Variants in ATP8B1 observed in about 807,000 individuals in gnomAD.
ATP8B1 encodes phospholipid-transporting ATPase IC.
A neutral mutation model predicts 149.9 loss-of-function variants in ATP8B1; 80 were observed. That is an observed-to-expected ratio of 0.53 (90% CI 0.45 to 0.64). The LOEUF is 0.64. ATP8B1 is among the 30% of genes least tolerant of loss of function. The pLI, the probability that ATP8B1 is intolerant of heterozygous loss-of-function variation, is 0.00. For synonymous variants in ATP8B1, 536 were observed against 562.8 expected, an observed-to-expected ratio of 0.95 and a Z score of 0.67; for missense variants, 1,247 against 1,552.6, an observed-to-expected ratio of 0.80 and a Z score of 3.31.
In ATP8B1 at chr18:57,655,304, G is replaced by A. The variant is rs374340059; in HGVS notation, c.2821C>T (p.Arg941Ter). 3.3e-5 allele frequency: 53 copies of A among 1,613,966 alleles called. No individual in the cohort carries two copies. The highest frequency in any genetic ancestry group is 4.4e-5 in the Non-Finnish European group (52 of 1,179,970). ...YLQRLLLVHG[R>*]WSYIRMCKFL... ...TTGCACATCCTTATGTAAGACCATC[G>A]GCCATGCACCAGCAGTAGCCTCTGC... The change falls in exon 23 of 28, where the codon CGA (arginine) becomes TGA (stop). Residue 941 changes from arginine (R) to a stop codon, truncating the protein, a stop_gained. Coordinates refer to ENST00000648908, the MANE Select transcript of ATP8B1 (RefSeq NM_001374385.1). LOFTEE classifies it high-confidence loss of function.
intron 19 of ATP8B1, chr18:57,667,972 T>C: frequency 1.0e-6 from 1 of 965,254 alleles, no homozygotes; most frequent in Non-Finnish European, 1.4e-6. Context: ...TGTTGAGTTC[T>C]AAAGTTAAAA....
rs775129730 is a variant in ATP8B1, at chr18:57,695,167, G to A, written c.940+4C>T. 6.8e-6 allele frequency: 11 copies of A among 1,611,038 alleles called. No individual in the cohort carries two copies. The highest frequency in any genetic ancestry group is 4.0e-5 in the African/African-American group (3 of 74,532). ...ATTAATTTCCCAAGAAACTCTGAAC[G>A]TACCTGCAAAAATGACTAAGCCGTG... On this transcript the variant is annotated splice_donor_region_variant and intron_variant, in intron 10 of 27. Transcript: ENST00000648908.
chr18:57,784,662 G>A lies in ATP8B1; in HGVS notation c.-26+18336C>T, dbSNP rs1225106784. ...GTGCTGTGTTTAGGGGCATGCAGGA[G>A]AGTATTATGAAACGTGCAGGAGAGT... On this transcript the variant is annotated intron_variant, in intron 1 of 27. Transcript: ENST00000648908. This position sits in a 1 kb window ranked among gnomAD's most constrained non-coding sequence, Gnocchi z 4.4. Among the ~76,000 whole-genome samples the A allele has an allele frequency of 1.4e-5, 2 of 146,846 alleles. No homozygotes were observed. Among genetic ancestry groups the A allele is most frequent in the African/African-American group, 5.5e-5 (2 of 36,364 alleles).
At chr18:57,649,130 T>A (rs1322628881) in intron 27 of ATP8B1, among the ~76,000 whole-genome samples, 8 of 152,052 alleles carry the variant, frequency 5.3e-5, no homozygotes, top group Admixed American at 1.3e-4. Context: ...CCTCAAGTGA[T>A]CTGCCTGCCT....
intron 1 of ATP8B1, among the ~76,000 whole-genome samples, chr18:57,745,909 C>T (rs1221785590): frequency 6.6e-6 from 1 of 152,182 alleles, no homozygotes; most frequent in Non-Finnish European, 1.5e-5. Flanking sequence ...AATCCTCCCA[C>T]CTCAACCTCC....
At chr18:57,679,178 C>T (rs1407008744) in intron 15 of ATP8B1, among the ~76,000 whole-genome samples, 2 of 151,354 alleles carry the variant, frequency 1.3e-5, no homozygotes, top group African/African-American at 2.4e-5. Flanking sequence ...TGCAGTGAGC[C>T]GAGATCGCGC....
Position 57,648,471 on chromosome 18 carries a change from A to T in ATP8B1, c.*17T>A. 1 of 1,610,816 alleles carries T rather than the reference A, an allele frequency of 6.2e-7. No homozygotes were observed. Among genetic ancestry groups the T allele is most frequent in the Non-Finnish European group, 8.5e-7 (1 of 1,179,768 alleles). On this transcript the variant is annotated 3_prime_UTR_variant, in exon 28 of 28. Coordinates refer to ENST00000648908, the MANE Select transcript of ATP8B1 (RefSeq NM_001374385.1). ...TAGACGTGCTTTGTGGCCGCATCCC[A>T]GCCTGGGGGTAAGGGATCAGCTGTC...
At position 57,695,244 on chromosome 18, in the gene ATP8B1, A is replaced by G. The variant is rs1222962689; in HGVS notation, c.867T>C (p.Asp289=). Residue 289 remains aspartate (D), a synonymous_variant, in exon 10 of 28, where the codon GAT becomes GAC. Transcript: ENST00000648908. ...LFWRNTSFPL[D]ADKILLRGCV... Reference sequence around the variant, plus strand: ...AGCCACGTAACAAAATTTTATCAGCATCCAAAGGAAAACTTGTGTTTCTCC... The same window carrying G: ...AGCCACGTAACAAAATTTTATCAGCGTCCAAAGGAAAACTTGTGTTTCTCC... 4 of 1,614,014 alleles carry G rather than the reference A, an allele frequency of 2.5e-6. No individual in the cohort carries two copies. The African/African-American group carries it at 5.3e-5, about 22-fold the overall frequency.
In ATP8B1 at chr18:57,667,993, G is replaced by A. The variant is rs143725063; in HGVS notation, c.2209+436C>T. The A allele has an allele frequency of 5.6e-5, 63 of 1,126,402 alleles. No homozygotes were observed. In the East Asian group the frequency reaches 1.4e-3, roughly 25 times the overall value. The allele number at this position is 1,126,402 out of a possible 1,614,324, so 69.8% of individuals were successfully genotyped here. ...GTTCTAAAGTTAAAAAATTAAAATC[G>A]TTCTTTCCTTAGGTATACAATTTTA... On this transcript the variant is annotated intron_variant, in intron 19 of 27. Transcript: ENST00000648908.
chr18:57,672,914 ATATATATATATATATAT>A (rs1568189287), intron 16 of ATP8B1, among the ~76,000 whole-genome samples: 2,065 of 76,392 alleles, frequency 0.027, 168 homozygotes, highest in African/African-American at 0.091. Context: ...ATATATATAT[ATATATATATATATATAT>A]AACATGTATA....
At chr18:57,656,272 C>T (rs1909987875) in intron 22 of ATP8B1, among the ~76,000 whole-genome samples, 1 of 152,042 alleles carries the variant, frequency 6.6e-6, no homozygotes, top group Non-Finnish European at 1.5e-5. Context: ...GACAGAAAAC[C>T]CAAGCTGAGC....
intron 1 of ATP8B1, among the ~76,000 whole-genome samples, chr18:57,773,213 A>AAAAG (rs1555655691): frequency 1.3e-5 from 2 of 151,102 alleles, no homozygotes; most frequent in East Asian, 1.9e-4. Context: ...AAAAAAAAAA[A>AAAAG]AAAAAGAAAA....
Position 57,685,131 on chromosome 18 carries a change from GACAAA to G in ATP8B1, c.1430-21_1430-17del, listed in dbSNP as rs779564936. On this transcript the variant is annotated splice_polypyrimidine_tract_variant and intron_variant, in intron 13 of 27. Transcript: ENST00000648908. ...CGATGGTCCCCTGAGAAACAAACAGGACAAAACAAATTGATTCTACACCTATGTCC... is the reference window on the plus strand; with the variant it reads ...CGATGGTCCCCTGAGAAACAAACAGGACAAATTGATTCTACACCTATGTCC... 1.7e-5 allele frequency: 27 copies of G among 1,613,930 alleles called. No individual in the cohort carries two copies. In the Admixed American group the frequency reaches 4.3e-4, roughly 26 times the overall value.
intron 1 of ATP8B1, among the ~76,000 whole-genome samples, chr18:57,800,933 C>T (rs1276207695): frequency 6.6e-6 from 1 of 152,144 alleles, no homozygotes; most frequent in African/African-American, 2.4e-5. Flanking sequence ...CACTAAGATC[C>T]CCTAGACTGA....
chr18:57,796,388 G>A (rs942404095), intron 1 of ATP8B1, among the ~76,000 whole-genome samples: 1 of 152,120 alleles, frequency 6.6e-6, no homozygotes, highest in African/African-American at 2.4e-5. Context: ...GCACATGCCT[G>A]TATTCCCAAC....
chr18:57,688,233 A>G, intron 13 of ATP8B1, 66 bp downstream of exon 13: 1 of 1,523,762 alleles, frequency 6.6e-7, no homozygotes, highest in South Asian at 1.1e-5. Flanking sequence ...GCTATAGTCC[A>G]AGTAATGACC....
intron 27 of ATP8B1, among the ~76,000 whole-genome samples, chr18:57,649,784 G>A (rs903020054): frequency 2.6e-5 from 4 of 152,082 alleles, no homozygotes; most frequent in Non-Finnish European, 2.9e-5. Context: ...ATCTCCCCCC[G>A]ACACTGATAG....
In ATP8B1 at chr18:57,648,437, A is replaced by C; in HGVS notation, c.*51T>G. ...ACACACAAAGTCCTGAGAGTCTTTC[A>C]TAAAAAAATAGACGTGCTTTGTGGC... is the stretch of plus-strand genomic sequence containing the variant. On this transcript the variant is annotated 3_prime_UTR_variant, in exon 28 of 28. Transcript: ENST00000648908. 1 of 1,590,268 alleles carries C rather than the reference A, an allele frequency of 6.3e-7. No homozygotes were observed. The highest frequency in any genetic ancestry group is 1.3e-5 in the African/African-American group (1 of 74,520).
At chr18:57,721,235 C>A (rs1399536105) in intron 2 of ATP8B1, among the ~76,000 whole-genome samples, 2 of 145,128 alleles carry the variant, frequency 1.4e-5, no homozygotes, top group South Asian at 2.4e-4. Context: ...GGATCAAATT[C>A]ACACATAACA....
Sources: allele counts gnomAD v4.1 joint callset (sites outside exome capture counted in the v4.1 genomes callset), GRCh38; gene constraint gnomAD v4.1.1; non-coding constraint Gnocchi (gnomAD v3.1); transcripts MANE v1.5; gene names NCBI Gene and HGNC (gene_info 2026-07-23, HGNC 2026-07-21).